The following FAM171A1 variants were observed in gnomAD, a reference collection of about 807,000 sequenced individuals.
FAM171A1 encodes the protein family with sequence similarity 171 member A1.
Under a neutral mutation model 74.9 loss-of-function variants are expected in FAM171A1, and 23 were observed. The ratio of observed to expected loss-of-function variants is 0.31; its 90% confidence interval spans 0.22 to 0.44. The LOEUF (loss-of-function observed/expected upper bound fraction) is 0.44, where lower values mean the gene tolerates loss of function less well. Among genes scored for constraint, FAM171A1 ranks in the 20% least tolerant of loss-of-function variants. The probability of loss-of-function intolerance (pLI) is 1.00; values close to 1 mark genes in which losing one functional copy is unlikely to be tolerated. For synonymous variants in FAM171A1, 527 were observed against 505.7 expected (o/e 1.04, Z -0.57); for missense variants, 1,162 against 1,159.2 (o/e 1.00, Z -0.03).
chr10:15,264,521 A>G (rs7090829), intron 3 of FAM171A1, among the ~76,000 whole-genome samples: 41,848 of 151,976 alleles, frequency 0.28, 5,998 homozygotes, highest in African/African-American at 0.32. Flanking sequence ...CAATACAAAT[A>G]CATCGGGCAT....
chr10:15,221,755 C>A (rs1182788495), intron 5 of FAM171A1, among the ~76,000 whole-genome samples: 1 of 151,926 alleles, frequency 6.6e-6, no homozygotes, highest in Non-Finnish European at 1.5e-5. Context: ...CTCACCACAA[C>A]AATGAAGACT....
chr10:15,267,352 C>A (rs1460515601), intron 3 of FAM171A1, among the ~76,000 whole-genome samples: 1 of 151,816 alleles, frequency 6.6e-6, no homozygotes, highest in East Asian at 1.9e-4. Context: ...TGCCTGTAAT[C>A]CCAGCACTTT....
At chr10:15,317,102 C>G (rs1215528912) in intron 1 of FAM171A1, among the ~76,000 whole-genome samples, 2 of 151,802 alleles carry the variant, frequency 1.3e-5, no homozygotes, top group East Asian at 3.9e-4. Flanking sequence ...AAATATAGGC[C>G]TTTCCCAGTC....
At chr10:15,229,606 C>T (rs1313644595) in intron 5 of FAM171A1, among the ~76,000 whole-genome samples, 1 of 132,520 alleles carries the variant, frequency 7.5e-6, no homozygotes, top group Non-Finnish European at 1.7e-5. Context: ...ATCACCATCA[C>T]CATCATCACC....
chr10:15,261,987 T>A (rs1834663699), intron 3 of FAM171A1, among the ~76,000 whole-genome samples: 1 of 152,202 alleles, frequency 6.6e-6, no homozygotes, highest in South Asian at 2.1e-4. Context: ...TGGTGGCGCA[T>A]GCCTGAAGTC....
Position 15,213,110 on chromosome 10 carries a change from GCCACCAC to G in FAM171A1, c.2471_2477del (p.Ser824ThrfsTer59). 1 of 1,613,746 alleles carries G rather than the reference GCCACCAC, an allele frequency of 6.2e-7. No homozygotes were observed. The highest frequency in any genetic ancestry group is 8.5e-7 in the Non-Finnish European group (1 of 1,179,834). On this transcript the variant is annotated frameshift_variant, in exon 8 of 8. Coordinates refer to ENST00000378116, the MANE Select transcript of FAM171A1 (RefSeq NM_001010924.2). LOFTEE classifies it high-confidence loss of function. The surrounding 1 kb of genome is among the most constrained non-coding windows in gnomAD (Gnocchi z 6.8). ...TCTCCTCCTGCAGGCTGGGCAGCTG[GCCACCAC>G]TTCTCCGACTCGACCCCTCCAACAA...
chr10:15,288,813 C>CTTTTTTT lies in FAM171A1; in HGVS notation c.98-4715_98-4709dup, dbSNP rs71505064. 9.5e-4 allele frequency among the ~76,000 whole-genome samples: 70 copies of CTTTTTTT among 73,696 alleles called. 6 individuals are homozygous for CTTTTTTT. Among genetic ancestry groups the CTTTTTTT allele is most frequent in the Non-Finnish European group, 1.2e-3 (47 of 39,418 alleles). The allele number at this position is 73,696 out of a possible 152,430, so 48.3% of individuals were successfully genotyped here. The stretch of plus-strand genomic sequence containing the variant: ...AAAATGTCAGTATGATTCGGTAATT[C>CTTTTTTT]TTTTTTTTTTTTTTTTTTTTTTTTT... On this transcript the variant is annotated intron_variant, in intron 1 of 7. Coordinates refer to ENST00000378116, the MANE Select transcript of FAM171A1 (RefSeq NM_001010924.2).
intron 1 of FAM171A1, among the ~76,000 whole-genome samples, chr10:15,365,275 C>A (rs770165947): frequency 6.6e-6 from 1 of 152,118 alleles, no homozygotes; most frequent in Non-Finnish European, 1.5e-5. Context: ...AACAGAGAAG[C>A]AGGAATGCCG....
intron 1 of FAM171A1, among the ~76,000 whole-genome samples, chr10:15,347,352 G>A (rs1456710296): frequency 6.6e-6 from 1 of 152,188 alleles, no homozygotes; most frequent in African/African-American, 2.4e-5. Context: ...GCTCCCTGAA[G>A]CAGTTTTCAT....
At chr10:15,254,274 C>T (rs974537019) in intron 4 of FAM171A1, among the ~76,000 whole-genome samples, 5 of 152,138 alleles carry the variant, frequency 3.3e-5, no homozygotes, top group African/African-American at 1.2e-4. Flanking sequence ...CTCCTGGCTG[C>T]AGCATAGGTG....
chr10:15,333,858 T>TAA (rs71390032), intron 1 of FAM171A1, among the ~76,000 whole-genome samples: 21,349 of 148,848 alleles, frequency 0.14, 1,857 homozygotes, highest in Non-Finnish European at 0.2. Context: ...AAAAGAATAC[T>TAA]AAAAAAAAAA....
intron 1 of FAM171A1, among the ~76,000 whole-genome samples, chr10:15,362,437 G>A (rs1836005311): frequency 6.6e-6 from 1 of 152,216 alleles, no homozygotes; most frequent in Non-Finnish European, 1.5e-5. Flanking sequence ...CCGCCATGGT[G>A]GCTCACACCT....
intron 5 of FAM171A1, among the ~76,000 whole-genome samples, chr10:15,246,400 A>G (rs767759238): frequency 6.6e-6 from 1 of 152,248 alleles, no homozygotes; most frequent in Non-Finnish European, 1.5e-5. Flanking sequence ...TATAATTCCT[A>G]GAACTCTGTT....
At chr10:15,217,937 A>T (rs1833987510) in intron 6 of FAM171A1, among the ~76,000 whole-genome samples, 1 of 152,144 alleles carries the variant, frequency 6.6e-6, no homozygotes, top group Non-Finnish European at 1.5e-5. Flanking sequence ...GGCCCAGAGA[A>T]ACAATTTTTT....
intron 3 of FAM171A1, among the ~76,000 whole-genome samples, chr10:15,261,785 G>A (rs1010756168): frequency 9.9e-5 from 15 of 152,122 alleles, no homozygotes; most frequent in African/African-American, 3.6e-4. Flanking sequence ...GGGTCCAGGG[G>A]CAGAGGGAGA....
At chr10:15,354,520 C>T (rs1427082174) in intron 1 of FAM171A1, among the ~76,000 whole-genome samples, 3 of 151,884 alleles carry the variant, frequency 2.0e-5, no homozygotes, top group African/African-American at 7.3e-5. Context: ...GACGGTGGAA[C>T]TTTCAAGGCA....
At chr10:15,355,229 C>T (rs1203858887) in intron 1 of FAM171A1, among the ~76,000 whole-genome samples, 1 of 152,176 alleles carries the variant, frequency 6.6e-6, no homozygotes, top group African/African-American at 2.4e-5. Flanking sequence ...TGCGTGCCAC[C>T]ACGCCCAGCT....
At chr10:15,250,565 T>C (rs1424484544) in intron 4 of FAM171A1, among the ~76,000 whole-genome samples, 1 of 152,174 alleles carries the variant, frequency 6.6e-6, no homozygotes, top group Non-Finnish European at 1.5e-5. Context: ...CAAGAACAGC[T>C]TGGGCAACAT....
intron 1 of FAM171A1, among the ~76,000 whole-genome samples, chr10:15,315,971 C>T (rs1588549758): frequency 6.6e-6 from 1 of 152,174 alleles, no homozygotes. Flanking sequence ...TAGTATATTT[C>T]CCCCAGGTGT....
Sources: gnomAD v4.1 joint callset for allele counts (sites outside exome capture counted in the v4.1 genomes callset) on GRCh38, gnomAD v4.1.1 for gene constraint, Gnocchi (gnomAD v3.1) non-coding constraint, MANE v1.5 for transcripts, NCBI Gene and HGNC (gene_info 2026-07-23, HGNC 2026-07-21) for gene names.